SP140L: variants seen among roughly 807,000 people sequenced by gnomAD.
SP140L encodes nuclear body protein SP140-like protein.
A neutral mutation model predicts 84.3 loss-of-function variants in SP140L; 64 were observed. The ratio of observed to expected loss-of-function variants is 0.76; its 90% CI spans 0.62 to 0.94. The LOEUF (loss-of-function observed/expected upper bound fraction) is 0.94, where lower values mean the gene tolerates loss of function less well. Ranked by LOEUF, SP140L falls within the 40% of genes least tolerant of loss-of-function variation. The pLI is 0.00. For synonymous variants in SP140L, 242 were observed against 236.9 expected, an observed-to-expected ratio of 1.02 and a Z score of -0.20; for missense variants, 628 against 692.5, an observed-to-expected ratio of 0.91 and a Z score of 1.05.
chr2:230,349,488 A>G (rs1343045832), intron 2 of SP140L, among the ~76,000 whole-genome samples: 2 of 152,174 alleles, frequency 1.3e-5, no homozygotes, highest in Non-Finnish European at 2.9e-5. Flanking sequence ...GAGTCTTCCA[A>G]TCCATGAACA....
chr2:230,355,687 G>C (rs2060521720), intron 2 of SP140L, among the ~76,000 whole-genome samples: 1 of 152,114 alleles, frequency 6.6e-6, no homozygotes, highest in Non-Finnish European at 1.5e-5. Flanking sequence ...CAGATCAATG[G>C]TATGGCATAG....
intron 2 of SP140L, among the ~76,000 whole-genome samples, chr2:230,339,765 T>C (rs1312583619): frequency 7.1e-6 from 1 of 140,466 alleles, no homozygotes; most frequent in Non-Finnish European, 1.5e-5. Flanking sequence ...CCAGTAGTCA[T>C]TCAGGAGCAG....
intron 2 of SP140L, among the ~76,000 whole-genome samples, chr2:230,344,475 G>A (rs1021457790): frequency 6.6e-6 from 1 of 152,172 alleles, no homozygotes; most frequent in African/African-American, 2.4e-5. Context: ...TATCCAGTTT[G>A]CCATTCTGTG....
intron 11 of SP140L, 123 bp from the exon 12 acceptor site, chr2:230,391,964 C>A (rs2061827961): frequency 2.1e-6 from 3 of 1,400,780 alleles, no homozygotes; most frequent in Non-Finnish European, 9.8e-7. Flanking sequence ...GAGGGAAGGC[C>A]AGACCCTCCT....
chr2:230,391,064 T>C (rs956934911), intron 11 of SP140L, among the ~76,000 whole-genome samples: 6 of 152,264 alleles, frequency 3.9e-5, no homozygotes, highest in African/African-American at 1.4e-4. Context: ...TAGTACTTCA[T>C]TTCTTTTCTT....
At chr2:230,327,840 A>G (rs2059621082) in intron 1 of SP140L, among the ~76,000 whole-genome samples, 1 of 152,128 alleles carries the variant, frequency 6.6e-6, no homozygotes, top group South Asian at 2.1e-4. Context: ...CTTTGGGGCT[A>G]TTTCCTTGAC....
chr2:230,382,677 A>T (rs2061447145), intron 7 of SP140L, among the ~76,000 whole-genome samples: 1 of 152,168 alleles, frequency 6.6e-6, no homozygotes, highest in South Asian at 2.1e-4. Flanking sequence ...CCTAGGAATG[A>T]CCAGGGTCAC....
In SP140L at chr2:230,400,259, C is replaced by T; in HGVS notation, c.1313+17C>T. 1.9e-6 allele frequency: 3 copies of T among 1,611,718 alleles called. No individual in the cohort carries two copies. The highest frequency in any genetic ancestry group is 2.5e-6 in the Non-Finnish European group (3 of 1,177,900). ...AAGTGAGAAGTAAGTGACATGCAGG[C>T]ACCTCTCTTTCATCCTTTAAGGGAC... On this transcript the variant is annotated intron_variant, in intron 15 of 18. Transcript: ENST00000415673.
intron 5 of SP140L, among the ~76,000 whole-genome samples, chr2:230,369,760 T>TTTTG (rs148805615): frequency 6.6e-6 from 1 of 151,956 alleles, no homozygotes; most frequent in Non-Finnish European, 1.5e-5. Flanking sequence ...ACTACTTTCT[T>TTTTG]TTTGTTTGTT....
intron 2 of SP140L, among the ~76,000 whole-genome samples, chr2:230,349,157 C>T (rs1435107976): frequency 2.0e-5 from 3 of 152,142 alleles, no homozygotes; most frequent in Non-Finnish European, 1.5e-5. Flanking sequence ...CATTTAATTG[C>T]CTTGGCACTT....
At chr2:230,357,443 A>G (rs571792899) in intron 2 of SP140L, among the ~76,000 whole-genome samples, 1 of 152,146 alleles carries the variant, frequency 6.6e-6, no homozygotes, top group East Asian at 1.9e-4. Flanking sequence ...TTTATATTCC[A>G]TTGACTTTCA....
Position 230,385,223 on chromosome 2 carries a change from G to A in SP140L, c.704-1G>A, listed in dbSNP as rs1281504418. 2.5e-6 allele frequency: 4 copies of A among 1,613,406 alleles called. No homozygotes were observed. The highest frequency in any genetic ancestry group is 3.4e-6 in the Non-Finnish European group (4 of 1,179,662). On this transcript the variant is annotated splice_acceptor_variant, in intron 8 of 18. Transcript: ENST00000415673. LOFTEE classifies it high-confidence loss of function. ...ATACATTTTCCCTTGCCTATCCCCA[G>A]ATAACAGCAAAGCCGATGGCCAGCT...
chr2:230,377,186 C>T (rs1294245304), intron 7 of SP140L, among the ~76,000 whole-genome samples: 3 of 152,082 alleles, frequency 2.0e-5, no homozygotes, highest in Admixed American at 6.6e-5. Flanking sequence ...GTTTTCTGTT[C>T]GTTTGTCTTT....
chr2:230,346,641 C>A (rs1575451246), intron 2 of SP140L, among the ~76,000 whole-genome samples: 1 of 152,078 alleles, frequency 6.6e-6, no homozygotes, highest in African/African-American at 2.4e-5. Flanking sequence ...TTCACTGATT[C>A]TTTCTTCTGC....
At chr2:230,399,995 T>A in intron 14 of SP140L, 132 bp from the exon 15 acceptor site, 1 of 859,278 alleles carries the variant, frequency 1.2e-6, no homozygotes, top group Non-Finnish European at 1.8e-6. Context: ...ATATTTTTCC[T>A]TCATATCCCA....
At chr2:230,399,786 A>C (rs1406373060) in intron 14 of SP140L, 1 of 184,882 alleles carries the variant, frequency 5.4e-6, no homozygotes, top group Non-Finnish European at 1.1e-5. Flanking sequence ...AAATGGATTT[A>C]ACACTTTACT....
chr2:230,381,868 C>T (rs2061419948), intron 7 of SP140L, among the ~76,000 whole-genome samples: 3 of 152,200 alleles, frequency 2.0e-5, no homozygotes, highest in African/African-American at 7.2e-5. Flanking sequence ...GCCTGGCTTT[C>T]ATACAATAAG....
chr2:230,397,581 A>C (rs1193704995), intron 14 of SP140L, among the ~76,000 whole-genome samples: 2 of 152,140 alleles, frequency 1.3e-5, no homozygotes, highest in Non-Finnish European at 2.9e-5. Flanking sequence ...TTTAAATGAA[A>C]TTCTGGTTTG....
intron 18 of SP140L, 131 bp from the exon 19 acceptor site, chr2:230,402,667 A>T (rs1022227441): frequency 1.4e-6 from 1 of 692,974 alleles, no homozygotes; most frequent in South Asian, 1.9e-5. Context: ...TCCAAAATAC[A>T]TACCATTATA....
Sources: allele counts gnomAD v4.1 joint callset (sites outside exome capture counted in the v4.1 genomes callset), GRCh38; gene constraint gnomAD v4.1.1; transcripts MANE v1.5; gene names NCBI Gene and HGNC (gene_info 2026-07-23, HGNC 2026-07-21).